The following SFMBT2 variants were observed in gnomAD, a reference collection of about 807,000 sequenced individuals.
The protein encoded by SFMBT2 is Scm like with four mbt domains 2, also known as scm-like with four MBT domains protein 2.
SFMBT2 carries 38 observed loss-of-function variants against 110.1 expected under a neutral mutation model. The ratio of observed to expected loss-of-function variants is 0.35; its 90% CI spans 0.27 to 0.45. The LOEUF is 0.45. SFMBT2 is among the 20% of genes least tolerant of loss of function. The pLI, the probability that SFMBT2 is intolerant of heterozygous loss-of-function variation, is 1.00. For synonymous variants in SFMBT2, 425 were observed against 425.4 expected, an observed-to-expected ratio of 1.00 and a Z score of 0.01; for missense variants, 1,011 against 1,094.9, an observed-to-expected ratio of 0.92 and a Z score of 1.08.
At chr10:7,178,941 T>A (rs1838158317) in intron 16 of SFMBT2, among the ~76,000 whole-genome samples, 1 of 152,202 alleles carries the variant, frequency 6.6e-6, no homozygotes, top group African/African-American at 2.4e-5. Context: ...TTCGTTCACA[T>A]ATCACCAAAC....
In SFMBT2 at chr10:7,283,884, G is replaced by T. The variant is rs756553131; in HGVS notation, c.772+20C>A. The T allele has an allele frequency of 4.6e-6, 7 of 1,505,476 alleles. No individual in the cohort carries two copies. Among genetic ancestry groups the T allele is most frequent in the Non-Finnish European group, 6.5e-6 (7 of 1,083,588 alleles). 93.3% of individuals were successfully genotyped at this position (1,505,476 alleles called of 1,614,324 possible). A position where few individuals can be genotyped will look rare whatever the true frequency, so the allele number is the denominator to read the frequency against. ...TCTTTTTCTAAAATACTTTACAGCA[G>T]CAAAAGCTTTGGCCCTTACCTGAAG... On this transcript the variant is annotated intron_variant, in intron 6 of 20. Coordinates refer to ENST00000397167, the MANE Select transcript of SFMBT2 (RefSeq NM_001387889.1).
intron 4 of SFMBT2, among the ~76,000 whole-genome samples, chr10:7,312,875 G>C (rs983234170): frequency 6.6e-6 from 1 of 152,122 alleles, no homozygotes; most frequent in African/African-American, 2.4e-5. Context: ...AGAAGGAGAG[G>C]GACAGCATTT....
intron 2 of SFMBT2, among the ~76,000 whole-genome samples, chr10:7,374,248 C>T (rs903505677): frequency 2.6e-5 from 4 of 151,952 alleles, no homozygotes; most frequent in Non-Finnish European, 5.9e-5. Flanking sequence ...GGTCACAGAG[C>T]GAGACTCCAT....
intron 11 of SFMBT2, among the ~76,000 whole-genome samples, chr10:7,220,024 CAAAGT>C (rs1346509893): frequency 3.3e-5 from 5 of 152,156 alleles, no homozygotes; most frequent in Non-Finnish European, 5.9e-5. Context: ...CGAAAGAAAT[CAAAGT>C]AAAGGATATA....
At chr10:7,395,409 T>C (rs1161696089) in intron 1 of SFMBT2, among the ~76,000 whole-genome samples, 3 of 152,268 alleles carry the variant, frequency 2.0e-5, no homozygotes, top group Non-Finnish European at 2.9e-5. Context: ...TTTTTGACAT[T>C]TCTGAAATCT....
chr10:7,186,549 G>A (rs1349118595), intron 16 of SFMBT2, among the ~76,000 whole-genome samples: 4 of 151,588 alleles, frequency 2.6e-5, no homozygotes, highest in African/African-American at 4.9e-5. Flanking sequence ...GGACTCAAGC[G>A]ATTTGCTGCT....
chr10:7,271,166 T>C (rs1260846608), intron 7 of SFMBT2, among the ~76,000 whole-genome samples: 1 of 151,520 alleles, frequency 6.6e-6, no homozygotes. Flanking sequence ...TGCATGCCTG[T>C]AATCCCAGCT....
intron 15 of SFMBT2, among the ~76,000 whole-genome samples, chr10:7,194,165 G>A (rs1838695196): frequency 6.6e-6 from 1 of 152,160 alleles, no homozygotes; most frequent in South Asian, 2.1e-4. Flanking sequence ...TGCTTATGGG[G>A]TACGTCTGGA....
At chr10:7,284,504 A>G (rs549447783) in intron 5 of SFMBT2, 1 of 823,290 alleles carries the variant, frequency 1.2e-6, no homozygotes, top group South Asian at 4.7e-5. Flanking sequence ...GCCTGGACCT[A>G]GAAAACGTGG....
chr10:7,349,439 TC>T (rs1844232946), intron 4 of SFMBT2, among the ~76,000 whole-genome samples: 3 of 102,980 alleles, frequency 2.9e-5, no homozygotes, highest in Non-Finnish European at 6.0e-5. Flanking sequence ...TCTTTTCTTT[TC>T]TTTTTTTTTT....
chr10:7,385,974 T>C (rs551990614), intron 1 of SFMBT2, among the ~76,000 whole-genome samples: 9 of 151,886 alleles, frequency 5.9e-5, no homozygotes, highest in Non-Finnish European at 1.2e-4. Context: ...CACTCCAGCC[T>C]GGGGGAGAGA....
At chr10:7,358,751 A>G (rs1844611814) in intron 4 of SFMBT2, among the ~76,000 whole-genome samples, 1 of 151,360 alleles carries the variant, frequency 6.6e-6, no homozygotes. Flanking sequence ...GCCCTGAGAC[A>G]TCAGCATGGC....
intron 1 of SFMBT2, among the ~76,000 whole-genome samples, chr10:7,407,734 G>T (rs551906963): frequency 1.3e-5 from 2 of 152,350 alleles, no homozygotes; most frequent in South Asian, 4.1e-4. Flanking sequence ...GTCTCCAGAA[G>T]TTTGAGAACG....
intron 4 of SFMBT2, among the ~76,000 whole-genome samples, chr10:7,359,688 G>A (rs765347586): frequency 1.1e-4 from 17 of 152,120 alleles, no homozygotes; most frequent in East Asian, 3.9e-4. Flanking sequence ...GTTACCATTC[G>A]GCAAAGAACT....
At position 7,188,577 on chromosome 10, in the gene SFMBT2, G is replaced by A. The variant is rs374643360; in HGVS notation, c.1808+47C>T. ...AAGTGGCAAGGTTCAAAGTAGCATG[G>A]GGAAGTATTACAAAAACCCTTGCTT... On this transcript the variant is annotated intron_variant, in intron 16 of 20. Transcript: ENST00000397167. The A allele has an allele frequency of 4.1e-5, 59 of 1,441,246 alleles. No individual in the cohort carries two copies. In the African/African-American group the frequency reaches 7.7e-4, roughly 19 times the overall value. 89.3% of individuals were successfully genotyped at this position (1,441,246 alleles called of 1,614,324 possible).
At chr10:7,214,138 T>C (rs1009077496) in intron 11 of SFMBT2, among the ~76,000 whole-genome samples, 1 of 151,836 alleles carries the variant, frequency 6.6e-6, no homozygotes, top group African/African-American at 2.4e-5. Context: ...AAAGAAAACA[T>C]CACGAGTAAA....
At chr10:7,361,869 T>C (rs1040739895) in intron 4 of SFMBT2, among the ~76,000 whole-genome samples, 12 of 152,174 alleles carry the variant, frequency 7.9e-5, no homozygotes, top group Non-Finnish European at 4.4e-5. Context: ...GAGCATCTTT[T>C]TGGGGGCTCG....
intron 4 of SFMBT2, among the ~76,000 whole-genome samples, chr10:7,309,638 C>T (rs1021819503): frequency 6.6e-5 from 10 of 150,396 alleles, no homozygotes; most frequent in African/African-American, 2.2e-4. Context: ...GCTGACCTGT[C>T]GCAGCAGCTA....
intron 15 of SFMBT2, chr10:7,189,205 A>C (rs1167348726): frequency 1.0e-6 from 1 of 984,936 alleles, no homozygotes; most frequent in Non-Finnish European, 1.2e-6. Flanking sequence ...AGGGTAACAA[A>C]TTGTGTGAAA....
Sources: allele counts gnomAD v4.1 joint callset (sites outside exome capture counted in the v4.1 genomes callset), GRCh38; gene constraint gnomAD v4.1.1; transcripts MANE v1.5; gene names NCBI Gene and HGNC (gene_info 2026-07-23, HGNC 2026-07-21).